The following PMPCB variants were observed in gnomAD, a reference collection of about 807,000 sequenced individuals.
PMPCB encodes peptidase, mitochondrial processing subunit beta.
In PMPCB, 46 loss-of-function variants were observed where a neutral mutation model predicts 61.5. The ratio of observed to expected loss-of-function variants is 0.75; its 90% CI spans 0.59 to 0.96. The LOEUF (loss-of-function observed/expected upper bound fraction) is 0.96. PMPCB is among the 40% of genes least tolerant of loss of function. PMPCB has a pLI of 0.00. For synonymous variants in PMPCB, 191 were observed against 201.6 expected (o/e 0.95, Z 0.44); for missense variants, 590 against 602.4 (o/e 0.98, Z 0.22).
At chr7:103,329,088 A>T in exon 13 of PMPCB, 1 of 893,078 alleles carries the variant, frequency 1.1e-6, no homozygotes, top group South Asian at 1.6e-5. Flanking sequence ...GGTGGTCAAC[A>T]ATTTTTTTGT....
chr7:103,344,544 T>A, the PMPCB span: 1 of 1,613,618 alleles, frequency 6.2e-7, no homozygotes, highest in Admixed American at 1.7e-5. Context: ...GAACCGAGGT[T>A]GGGTGGGCAC....
chr7:103,316,176 A>G, downstream of PMPCB: 5 of 777,926 alleles, frequency 6.4e-6, no homozygotes, highest in South Asian at 1.1e-4. Context: ...TACTGCAGAA[A>G]GGTTATAGTA....
At chr7:103,311,778 A>G (rs1817762112) in intron 10 of PMPCB, 30 bp from the exon 11 acceptor site, 1 of 1,601,110 alleles carries the variant, frequency 6.2e-7, no homozygotes, top group African/African-American at 1.3e-5. Context: ...TCTGTATTCC[A>G]ATAGTTAATT....
chr7:103,331,351 A>G (rs1357459773), downstream of PMPCB, among the ~76,000 whole-genome samples: 2 of 152,200 alleles, frequency 1.3e-5, no homozygotes, highest in African/African-American at 4.8e-5. Flanking sequence ...TATTATTTCT[A>G]TGTATTGTGA....
Position 103,299,456 on chromosome 7 carries a change from T to C in PMPCB, c.254T>C (p.Ile85Thr). The C allele has an allele frequency of 6.2e-7, 1 of 1,606,232 alleles. No homozygotes were observed. The highest frequency in any genetic ancestry group is 8.5e-7 in the Non-Finnish European group (1 of 1,173,364). Residue 85 changes from isoleucine (I) to threonine (T), a missense_variant, in exon 3 of 13, where the codon ATT becomes ACT. Transcript: ENST00000249269. ...GLSTCTVGLWIDAGSRYENEK... is the reference protein window; with the variant it reads ...GLSTCTVGLWTDAGSRYENEK... ...GATTGCATTAAGGTTGGACTCTGGA[T>C]TGATGCTGGAAGTAGATACGAAAAT... is the stretch of plus-strand genomic sequence containing the variant.
the PMPCB span, among the ~76,000 whole-genome samples, chr7:103,341,249 T>C: frequency 2.6e-5 from 4 of 152,218 alleles, no homozygotes; most frequent in Admixed American, 2.6e-4. Flanking sequence ...GGAATTACTT[T>C]TCTAAAATTA....
chr7:103,316,356 T>C (rs776950056), downstream of PMPCB: 5 of 279,584 alleles, frequency 1.8e-5, no homozygotes, highest in Non-Finnish European at 3.3e-5. Flanking sequence ...AACCACTTAT[T>C]TGTGTATACT....
At position 103,297,494 on chromosome 7, in the gene PMPCB, C is replaced by CCGCGG. The variant is rs780130591; in HGVS notation, c.43_47dup (p.Arg17GlyfsTer12). The CCGCGG allele has an allele frequency of 3.2e-6, 5 of 1,572,792 alleles. No individual in the cohort carries two copies. The highest frequency in any genetic ancestry group is 2.3e-5 in the East Asian group (1 of 44,212). ...GCGGCGGCTCGAGTGGTGTTGTCATCCGCGGCGCGGCGGCGGCTCTGGGGT... is the reference window on the plus strand; with the variant it reads ...GCGGCGGCTCGAGTGGTGTTGTCATCCGCGGCGCGGCGCGGCGGCGGCTCTGGGGT... On this transcript the variant is annotated frameshift_variant, in exon 1 of 13. Coordinates refer to ENST00000249269, the MANE Select transcript of PMPCB (RefSeq NM_004279.3). LOFTEE classifies it high-confidence loss of function.
rs61743658 is a variant in PMPCB at position 103,323,621 on chromosome 7, T to C, written c.*1432-5310T>C. 1,012 of 1,464,608 alleles carry C rather than the reference T, an allele frequency of 6.9e-4. 6 individuals are homozygous for C. In the African/African-American group the frequency reaches 0.013, roughly 19 times the overall value. The allele number at this position is 1,464,608 out of a possible 1,614,324, so 90.7% of individuals were successfully genotyped here. On this transcript the variant is annotated intron_variant and NMD_transcript_variant, in intron 12 of 12. Transcript: ENST00000444457. ...ACCATTCTGCTTTTTCTTTTTCTTC[T>C]TCATCTAAATAAGAAAATTCTCTCC...
rs182986283 is a variant in PMPCB at position 103,308,905 on chromosome 7, T to C, written c.850-47T>C. 21 of 1,456,796 alleles carry C rather than the reference T, an allele frequency of 1.4e-5. No homozygotes were observed. The East Asian group carries it at 3.7e-4, about 25-fold the overall frequency. 90.2% of individuals were successfully genotyped at this position (1,456,796 alleles called of 1,614,324 possible). A position where few individuals can be genotyped will look rare whatever the true frequency, so the allele number is the denominator to read the frequency against. On this transcript the variant is annotated intron_variant, in intron 7 of 12. Coordinates refer to ENST00000249269, the MANE Select transcript of PMPCB (RefSeq NM_004279.3). ...TTTTTCCTTGTTAATAAGCATGTTA[T>C]ATAATGTTAATCTTAACTAGAGGTC...
At position 103,326,047 on chromosome 7, in the gene PMPCB, C is replaced by T. The variant is rs539575011; in HGVS notation, c.*1432-2884C>T. Among the ~76,000 whole-genome samples, 41 of 151,980 alleles carry T rather than the reference C, an allele frequency of 2.7e-4. No homozygotes were observed. The South Asian group carries it at 7.5e-3, about 28-fold the overall frequency. On this transcript the variant is annotated intron_variant and NMD_transcript_variant, in intron 12 of 12. Coordinates refer to the PMPCB transcript ENST00000444457. ...CTTGCTCAGTGTAGTGGCATGACCT[C>T]GGCTCACTGCAACCACTGTCTCCTG...
chr7:103,341,724 C>T, the PMPCB span: 1 of 1,467,056 alleles, frequency 6.8e-7, no homozygotes, highest in Non-Finnish European at 9.1e-7. Flanking sequence ...CTATGTCTAA[C>T]AAAGCATCTG....
chr7:103,316,958 C>CAT, downstream of PMPCB: 1 of 1,614,020 alleles, frequency 6.2e-7, no homozygotes, highest in Non-Finnish European at 8.5e-7. Flanking sequence ...ATGCTTGTCG[C>CAT]ATACGAGCCT....
chr7:103,309,004 A>C lies in PMPCB; in HGVS notation c.902A>C (p.Glu301Ala). Residue 301 changes from glutamate (E) to alanine (A), a missense_variant, in exon 8 of 13, where the codon GAA (glutamate) becomes GCA (alanine). By Grantham distance (107) the Glu-to-Ala change is moderately radical. Transcript: ENST00000249269. ...TTGGCGCACCTTGCAATAGCTGTTG[A>C]AGCTGTTGGTTGGGCACATCCAGAT... ...MPLAHLAIAV[E>A]AVGWAHPDTI... is the part of the protein sequence containing the mutation. 1 of 1,606,702 alleles carries C rather than the reference A, an allele frequency of 6.2e-7. No individual in the cohort carries two copies. The highest frequency in any genetic ancestry group is 8.5e-7 in the Non-Finnish European group (1 of 1,176,062).
At chr7:103,330,989 C>T (rs1311463340), downstream of PMPCB, among the ~76,000 whole-genome samples, 1 of 151,042 alleles carries the variant, frequency 6.6e-6, no homozygotes, top group Non-Finnish European at 1.5e-5. Context: ...GATGGAGTCT[C>T]ACTCTGTTGG....
chr7:103,337,474 T>C, the PMPCB span: 1 of 333,612 alleles, frequency 3.0e-6, no homozygotes, highest in Non-Finnish European at 5.4e-6. Flanking sequence ...AAGCTTGCCA[T>C]TGGAGGAGTA....
chr7:103,306,048 T>TA (rs370784113), intron 6 of PMPCB, among the ~76,000 whole-genome samples: 2 of 152,234 alleles, frequency 1.3e-5, no homozygotes, highest in African/African-American at 4.8e-5. Context: ...AAATACTACA[T>TA]AAGTGATGTG....
intron 12 of PMPCB, chr7:103,322,206 A>G (rs988445598): frequency 2.7e-6 from 2 of 729,956 alleles, no homozygotes; most frequent in Non-Finnish European, 4.0e-6. Flanking sequence ...ACTTATTGAA[A>G]ACTGAAGGAT....
chr7:103,319,690 A>G, intron 12 of PMPCB: 2 of 1,614,058 alleles, frequency 1.2e-6, no homozygotes, highest in East Asian at 4.5e-5. Flanking sequence ...TAAAGAAAAA[A>G]AAAGAAGAAA....
Sources: allele counts gnomAD v4.1 joint callset (sites outside exome capture counted in the v4.1 genomes callset), GRCh38; gene constraint gnomAD v4.1.1; transcripts MANE v1.5; gene names NCBI Gene and HGNC (gene_info 2026-07-23, HGNC 2026-07-21).